The following PIK3C2G variants were observed in gnomAD, a reference collection of about 807,000 sequenced individuals.
PIK3C2G encodes phosphatidylinositol 3-kinase C2 domain-containing subunit gamma.
Under a neutral mutation model 181.1 loss-of-function variants are expected in PIK3C2G, and 168 were observed. The ratio of observed to expected loss-of-function variants is 0.93; its 90% CI spans 0.82 to 1.05. PIK3C2G has a LOEUF of 1.05. PIK3C2G is among the 50% of genes least tolerant of loss of function. The pLI is 0.00. For synonymous variants in PIK3C2G, 573 were observed against 592.2 expected (o/e 0.97, Z 0.47); for missense variants, 1,869 against 1,732.8 (o/e 1.08, Z -1.40).
At chr12:18,266,468 A>G (rs979352030) in intron 1 of PIK3C2G, among the ~76,000 whole-genome samples, 6 of 152,178 alleles carry the variant, frequency 3.9e-5, no homozygotes, top group Admixed American at 6.5e-5. Context: ...AAATTATTAA[A>G]ATATATTTGC....
chr12:18,371,953 T>G (rs562373963), intron 13 of PIK3C2G, among the ~76,000 whole-genome samples: 44 of 152,292 alleles, frequency 2.9e-4, no homozygotes, highest in African/African-American at 1.0e-3. Flanking sequence ...TAGTCTTGCT[T>G]CAGAATCAAA....
At chr12:18,649,671 G>A (rs978950551), downstream of PIK3C2G, among the ~76,000 whole-genome samples, 2 of 152,094 alleles carry the variant, frequency 1.3e-5, no homozygotes, top group South Asian at 2.1e-4. Context: ...CCATTTCAAT[G>A]AAACTACTTT....
At chr12:18,666,330 T>C in the PIK3C2G span, among the ~76,000 whole-genome samples, 1 of 152,028 alleles carries the variant, frequency 6.6e-6, no homozygotes, top group African/African-American at 2.4e-5. Flanking sequence ...ACGATCCAAT[T>C]ATATACTGTC....
At chr12:18,683,580 G>T in the PIK3C2G span, 40 of 1,463,084 alleles carry the variant, frequency 2.7e-5, no homozygotes, top group Non-Finnish European at 3.6e-5. Flanking sequence ...TCCAAAATTA[G>T]CCACCACCCT....
At chr12:18,272,366 A>T (rs1340020703) in intron 1 of PIK3C2G, among the ~76,000 whole-genome samples, 1 of 152,154 alleles carries the variant, frequency 6.6e-6, no homozygotes, top group Admixed American at 6.5e-5. Context: ...AGACTTCTTC[A>T]TGGTAGTTTT....
intron 17 of PIK3C2G, among the ~76,000 whole-genome samples, chr12:18,421,772 T>G (rs1296583526): frequency 6.6e-6 from 1 of 151,034 alleles, no homozygotes; most frequent in African/African-American, 2.4e-5. Flanking sequence ...TTTTTTTTTA[T>G]CTGAAAGGTC....
At chr12:18,634,453 C>A (rs1949500092) in intron 31 of PIK3C2G, among the ~76,000 whole-genome samples, 1 of 152,168 alleles carries the variant, frequency 6.6e-6, no homozygotes, top group African/African-American at 2.4e-5. Context: ...AGAAACTGCA[C>A]AAGGAACGCA....
rs941507688 is a variant in PIK3C2G, at chr12:18,488,591, G to A, written c.2647G>A (p.Gly883Arg). 1 of 1,568,630 alleles carries A rather than the reference G, an allele frequency of 6.4e-7. No individual in the cohort carries two copies. The highest frequency in any genetic ancestry group is 2.3e-5 in the East Asian group (1 of 42,558). Residue 883 changes from glycine to arginine, a missense_variant, in exon 19 of 33, where the codon GGG (glycine) becomes AGG (arginine). By Grantham distance (125) the Gly-to-Arg change is moderately radical (BLOSUM62 -2). Transcript: ENST00000538779. ...QKLIKILGDI[G>R]ERVKSASDHQ... is the part of the protein sequence containing the mutation. ...ACTTATCAAAATTCTGGGAGATATT[G>A]GGGAAAGAGTCAAGTCTGCCAGTGA...
At chr12:18,692,942 C>T in the PIK3C2G span, 1 of 1,507,492 alleles carries the variant, frequency 6.6e-7, no homozygotes. Context: ...TGACACCTCA[C>T]ACTCAGTGCC....
intron 30 of PIK3C2G, among the ~76,000 whole-genome samples, chr12:18,602,660 C>T (rs951746098): frequency 6.6e-6 from 1 of 152,100 alleles, no homozygotes; most frequent in Admixed American, 6.5e-5. Flanking sequence ...ATGCTGGTAT[C>T]CATGGCTGAG....
chr12:18,680,780 T>C, the PIK3C2G span, among the ~76,000 whole-genome samples: 1 of 151,994 alleles, frequency 6.6e-6, no homozygotes, highest in Non-Finnish European at 1.5e-5. Context: ...TAGAAAGGAC[T>C]CACTATTGGA....
At chr12:18,686,081 T>C in the PIK3C2G span, among the ~76,000 whole-genome samples, 324 of 152,142 alleles carry the variant, frequency 2.1e-3, 1 homozygote, top group African/African-American at 7.5e-3. Context: ...ATTCTTCTTG[T>C]CCAGCCATCT....
chr12:18,282,362 G>A lies in PIK3C2G; in HGVS notation c.281G>A (p.Arg94His), dbSNP rs533181600. The A allele has an allele frequency of 1.7e-5, 27 of 1,613,546 alleles. No homozygotes were observed. Among genetic ancestry groups the A allele is most frequent in the Non-Finnish European group, 1.9e-5 (22 of 1,179,608 alleles). Residue 94 changes from arginine to histidine, a missense_variant, in exon 2 of 33, where the codon CGT (arginine) becomes CAT (histidine). By Grantham distance (29) the Arg-to-His change is conservative (BLOSUM62 0). Coordinates refer to ENST00000538779, the MANE Select transcript of PIK3C2G (RefSeq NM_001288772.2). ...ISLNEFTSKS[R>H]ELSWHQVSKA... is the part of the protein sequence containing the mutation. ...TTGAATGAATTCACTTCTAAAAGCC[G>A]TGAACTCTCCTGGCATCAAGTTAGC...
At chr12:18,483,703 T>A (rs2136031412) in intron 18 of PIK3C2G, among the ~76,000 whole-genome samples, 1 of 150,770 alleles carries the variant, frequency 6.6e-6, no homozygotes, top group South Asian at 2.1e-4. Context: ...TTTAAAAAAA[T>A]GTGCTTTCCA....
the PIK3C2G span, among the ~76,000 whole-genome samples, chr12:18,689,955 G>A: frequency 1.4e-4 from 21 of 152,226 alleles, no homozygotes; most frequent in African/African-American, 4.6e-4. Flanking sequence ...GGCCATGGCA[G>A]CAGCTTCCTG....
chr12:18,641,743 C>CTTTTTTTTTTTTTTTTTTTTTTTTTTTT (rs11285609), intron 32 of PIK3C2G, among the ~76,000 whole-genome samples: 3 of 93,176 alleles, frequency 3.2e-5, no homozygotes, highest in Non-Finnish European at 5.7e-5. Context: ...CTCTCTCAAG[C>CTTTTTTTTTTTTTTTTTTTTTTTTTTTT]TTTTTTTTTT....
intron 29 of PIK3C2G, 83 bp downstream of exon 29, chr12:18,567,140 GT>G (rs1291837903): frequency 7.2e-6 from 5 of 691,606 alleles, no homozygotes; most frequent in Non-Finnish European, 1.2e-5. Context: ...GTTTATGTCT[GT>G]AATGCCAGTA....
At chr12:18,659,749 G>A in the PIK3C2G span, among the ~76,000 whole-genome samples, 26 of 147,736 alleles carry the variant, frequency 1.8e-4, no homozygotes, top group Admixed American at 1.2e-3. Context: ...ATGTATACAC[G>A]TGCCATATTG....
intron 24 of PIK3C2G, among the ~76,000 whole-genome samples, chr12:18,525,690 C>A (rs1408371524): frequency 6.6e-6 from 1 of 152,150 alleles, no homozygotes; most frequent in African/African-American, 2.4e-5. Flanking sequence ...ATTTACACCA[C>A]ATAAAATTGG....
Sources: allele counts gnomAD v4.1 joint callset (sites outside exome capture counted in the v4.1 genomes callset), GRCh38; gene constraint gnomAD v4.1.1; transcripts MANE v1.5; gene names NCBI Gene and HGNC (gene_info 2026-07-23, HGNC 2026-07-21).